EPHB6: variants seen among roughly 807,000 people sequenced by gnomAD.
EPHB6 encodes ephrin type-B receptor 6.
Under a neutral mutation model 107.0 loss-of-function variants are expected in EPHB6, and 51 were observed. That is an observed-to-expected ratio of 0.48 (90% CI 0.38 to 0.60). The LOEUF is 0.60. Among genes scored for constraint, EPHB6 ranks in the 20% least tolerant of loss-of-function variants. The pLI, the probability that EPHB6 is intolerant of heterozygous loss-of-function variation, is 0.00. For missense variants in EPHB6, 1,141 were observed against 1,355.5 expected (o/e 0.84, Z 2.48); for synonymous variants, 553 against 549.0 (o/e 1.01, Z -0.10).
rs1361465083 is a variant in EPHB6 at position 142,869,413 on chromosome 7, G to T, written c.2460+266G>T. On this transcript the variant is annotated intron_variant, in intron 16 of 19. Transcript: ENST00000652003. The surrounding 1 kb of genome is among the most constrained non-coding windows in gnomAD (Gnocchi z 4.5). ...TACCTCCTGCCCTTCCCCCATTGTG[G>T]AGATTACACAGACTCCAGAGTCAGC... 1.3e-5 allele frequency among the ~76,000 whole-genome samples: 2 copies of T among 152,146 alleles called. No homozygotes were observed. The highest frequency in any genetic ancestry group is 2.4e-5 in the African/African-American group (1 of 41,410).
chr7:142,857,567 G>T (rs1428470708), intron 1 of EPHB6, among the ~76,000 whole-genome samples: 1 of 152,200 alleles, frequency 6.6e-6, no homozygotes, highest in East Asian at 1.9e-4. Flanking sequence ...TGGCTCACAG[G>T]TGTAAGGACC....
At chr7:142,865,405 CTG>C in intron 7 of EPHB6, 68 bp from the exon 8 acceptor site, 5 of 1,598,566 alleles carry the variant, frequency 3.1e-6, no homozygotes, top group Non-Finnish European at 4.3e-6. Context: ...TACCTGCCTG[CTG>C]TGTGTTGGGA....
In EPHB6 at chr7:142,855,155, C is replaced by CCCCCA. The variant is rs1802536954; in HGVS notation, c.-662_-661insCCCCA. 1 of 152,120 alleles carries CCCCCA rather than the reference C, an allele frequency of 6.6e-6. No individual in the cohort carries two copies. The highest frequency in any genetic ancestry group is 6.5e-5 in the Admixed American group (1 of 15,278). 9.4% of individuals were successfully genotyped at this position (152,120 alleles called of 1,614,324 possible). ...CCCAGCTTGGCGACGGCGATCTCGA[C>CCCCCA]GCGGGCCCCCAGGATCTCCCGGCGC... On this transcript the variant is annotated 5_prime_UTR_variant, in exon 1 of 20. Coordinates refer to ENST00000652003, the MANE Select transcript of EPHB6 (RefSeq NM_004445.6). The surrounding 1 kb of genome is among the most constrained non-coding windows in gnomAD (Gnocchi z 4.2).
chr7:142,863,586 T>C, intron 5 of EPHB6, 45 bp from the exon 6 acceptor site: 2 of 1,602,890 alleles, frequency 1.2e-6, no homozygotes, highest in Non-Finnish European at 1.7e-6. Context: ...CTGGCAGTGC[T>C]GGCTGGAGGC....
At chr7:142,865,188 G>A (rs928657230) in intron 7 of EPHB6, among the ~76,000 whole-genome samples, 1 of 152,204 alleles carries the variant, frequency 6.6e-6, no homozygotes, top group Non-Finnish European at 1.5e-5. Context: ...GGCCTCCGCA[G>A]AGGGAGCTTA....
intron 1 of EPHB6, among the ~76,000 whole-genome samples, chr7:142,858,499 G>A (rs775737145): frequency 8.7e-6 from 1 of 115,074 alleles, no homozygotes; most frequent in African/African-American, 3.4e-5. Flanking sequence ...GCAGTGGCAC[G>A]ATCTCGGCTC....
rs766342032 is a variant in EPHB6, at chr7:142,869,055, T to C, written c.2368T>C (p.Phe790Leu). 6.2e-7 allele frequency: 1 copy of C among 1,613,526 alleles called. No individual in the cohort carries two copies. ...VAAAMQYLSS[F>L]AFVHRSLSAH... The stretch of plus-strand genomic sequence containing the variant: ...TGCTGCCATGCAGTACCTGTCCAGC[T>C]TTGCCTTCGTCCATCGCTCGCTGTC... The change falls in exon 16 of 20, where the codon TTT becomes CTT. Residue 790 changes from phenylalanine (F) to leucine (L), a missense_variant. Physicochemically the swap from Phe to Leu is conservative, Grantham distance 22 (BLOSUM62 0). This residue lies in a region of EPHB6 where 616 missense variants were observed against 759.3 expected (regional missense o/e 0.81). Coordinates refer to ENST00000652003, the MANE Select transcript of EPHB6 (RefSeq NM_004445.6). The surrounding 1 kb of genome is among the most constrained non-coding windows in gnomAD (Gnocchi z 4.5).
At position 142,866,790 on chromosome 7, in the gene EPHB6, C is replaced by T. The variant is rs1794623397; in HGVS notation, c.1588-116C>T. The T allele has an allele frequency of 6.3e-7, 1 of 1,585,160 alleles. No homozygotes were observed. The highest frequency in any genetic ancestry group is 8.6e-7 in the Non-Finnish European group (1 of 1,157,004). On this transcript the variant is annotated intron_variant, in intron 10 of 19. Coordinates refer to ENST00000652003, the MANE Select transcript of EPHB6 (RefSeq NM_004445.6). The surrounding 1 kb of genome is among the most constrained non-coding windows in gnomAD (Gnocchi z 5.2). ...GCAAGGAGAGGTGCCCAGAAGTGTGCAGCACTGGGCATGTGTCTGAGAGCC... is the reference window on the plus strand; with the variant it reads ...GCAAGGAGAGGTGCCCAGAAGTGTGTAGCACTGGGCATGTGTCTGAGAGCC...
chr7:142,863,011 C>T (rs867577125), intron 4 of EPHB6, 116 bp from the exon 5 acceptor site: 17 of 588,982 alleles, frequency 2.9e-5, no homozygotes, highest in Non-Finnish European at 3.9e-5. Flanking sequence ...GGTGCTGGGG[C>T]GATTGGAGAG....
chr7:142,855,794 A>G lies in EPHB6; in HGVS notation c.-432+409A>G, dbSNP rs1802577084. ...AATCCCCTTGGAGCTGGGAGGAGTCAGGAGGCTGACCACACACCTGTCCCC... is the reference window on the plus strand; with the variant it reads ...AATCCCCTTGGAGCTGGGAGGAGTCGGGAGGCTGACCACACACCTGTCCCC... On this transcript the variant is annotated intron_variant, in intron 1 of 19. Transcript: ENST00000652003. This position sits in a 1 kb window ranked among gnomAD's most constrained non-coding sequence, Gnocchi z 4.2. Among the ~76,000 whole-genome samples the G allele has an allele frequency of 6.6e-6, 1 of 152,134 alleles. No individual in the cohort carries two copies. The highest frequency in any genetic ancestry group is 1.5e-5 in the Non-Finnish European group (1 of 68,012).
In EPHB6 at chr7:142,870,390, C is replaced by T. The variant is rs759395004; in HGVS notation, c.2787C>T (p.Gly929=). The change falls in exon 18 of 20, where the codon GGC becomes GGT. Residue 929 remains glycine, a synonymous_variant. Transcript: ENST00000652003. The part of the protein sequence containing the change: ...MIRKPDTLQA[G]GDPGERPSQA... ...GCAAGCCAGATACCCTGCAGGCTGG[C>T]GGGGACCCAGGGGAAAGGTCTGGAG... 4.3e-6 allele frequency: 7 copies of T among 1,614,054 alleles called. No individual in the cohort carries two copies. The highest frequency in any genetic ancestry group is 2.2e-5 in the South Asian group (2 of 91,082).
chr7:142,864,263 G>GTT lies in EPHB6; in HGVS notation c.464_465insTT (p.Asp156TrpfsTer41). 1.2e-6 allele frequency: 2 copies of GTT among 1,613,646 alleles called. No individual in the cohort carries two copies. Among genetic ancestry groups the GTT allele is most frequent in the Non-Finnish European group, 1.7e-6 (2 of 1,180,002 alleles). ...CTGGCACCTCAAACGCTGGACCAAG[G>GTT]TGGACACAATTGCAGCAGACGAGAG... On this transcript the variant is annotated frameshift_variant, in exon 7 of 20. Transcript: ENST00000652003. LOFTEE classifies it high-confidence loss of function.
Position 142,863,986 on chromosome 7 carries a change from G to T in EPHB6, c.186G>T (p.Leu62=). 6.2e-7 allele frequency: 1 copy of T among 1,614,224 alleles called. No individual in the cohort carries two copies. Among genetic ancestry groups the T allele is most frequent in the South Asian group, 1.1e-5 (1 of 91,086 alleles). The change falls in exon 7 of 20, where the codon CTG becomes CTT. Residue 62 remains leucine (L), a synonymous_variant. Coordinates refer to ENST00000652003, the MANE Select transcript of EPHB6 (RefSeq NM_004445.6). The part of the protein sequence containing the change: ...PPGGWDEVSV[L]DDQRRLTRTF... ...TGCAGTGGGACGAGGTGAGTGTTCTGGACGACCAGCGACGCCTGACTCGGA... is the reference window on the plus strand; with the variant it reads ...TGCAGTGGGACGAGGTGAGTGTTCTTGACGACCAGCGACGCCTGACTCGGA...
At chr7:142,857,690 C>T (rs1191645118) in intron 1 of EPHB6, among the ~76,000 whole-genome samples, 1 of 152,204 alleles carries the variant, frequency 6.6e-6, no homozygotes. Context: ...CCTGTCTGGG[C>T]TCGGTTTGGG....
At chr7:142,870,082 T>C (rs1794825284) in intron 17 of EPHB6, 116 bp downstream of exon 17, 1 of 1,585,008 alleles carries the variant, frequency 6.3e-7, no homozygotes. Context: ...GCTGTTGGAT[T>C]GCCATATCTT....
At chr7:142,870,049 C>T (rs770393800) in intron 17 of EPHB6, 83 bp downstream of exon 17, 58 of 1,603,866 alleles carry the variant, frequency 3.6e-5, no homozygotes, top group East Asian at 4.5e-5. Flanking sequence ...TTCTCTACTC[C>T]GTTTGTATTC....
rs1400010640 is a variant in EPHB6, at chr7:142,869,161, C to T, written c.2460+14C>T. 1.2e-6 allele frequency: 2 copies of T among 1,609,368 alleles called. No homozygotes were observed. Among genetic ancestry groups the T allele is most frequent in the Admixed American group, 1.7e-5 (1 of 59,900 alleles). On this transcript the variant is annotated intron_variant, in intron 16 of 19. Transcript: ENST00000652003. The surrounding 1 kb of genome is among the most constrained non-coding windows in gnomAD (Gnocchi z 4.5). ...CACAGTCCTCAGGTGAGAGCACAGC[C>T]TTGGGGACACAGCCTGGGGCCTTGT...
intron 5 of EPHB6, 112 bp from the exon 6 acceptor site, chr7:142,863,519 C>T: frequency 2.2e-6 from 3 of 1,377,606 alleles, no homozygotes; most frequent in Admixed American, 3.4e-5. Flanking sequence ...CTCCTGCTGG[C>T]AAAGACATGG....
chr7:142,864,215 G>T lies in EPHB6; in HGVS notation c.415G>T (p.Asp139Tyr). The T allele has an allele frequency of 6.2e-7, 1 of 1,613,826 alleles. No individual in the cohort carries two copies. Among genetic ancestry groups the T allele is most frequent in the Non-Finnish European group, 8.5e-7 (1 of 1,180,038 alleles). ...TLYYRQAEEP[D>Y]SPDSVSSWHL... is the part of the protein sequence containing the mutation. The stretch of plus-strand genomic sequence containing the variant: ...TTACTACCGTCAGGCTGAGGAGCCC[G>T]ACAGCCCTGACAGCGTTTCCTCCTG... Residue 139 changes from aspartate (D) to tyrosine (Y), a missense_variant, in exon 7 of 20, where the codon GAC (aspartate) becomes TAC (tyrosine). Asp to Tyr is a radical substitution (Grantham distance 160). Transcript: ENST00000652003.
Sources: gnomAD v4.1 joint callset for allele counts (sites outside exome capture counted in the v4.1 genomes callset) on GRCh38, gnomAD v4.1.1 for gene constraint, gnomAD v4.1.1 regional missense constraint, Gnocchi (gnomAD v3.1) non-coding constraint, MANE v1.5 for transcripts, NCBI Gene and HGNC (gene_info 2026-07-23, HGNC 2026-07-21) for gene names.